PRKCE: variants seen among roughly 807,000 people sequenced by gnomAD.
PRKCE encodes the protein protein kinase C epsilon type.
A neutral mutation model predicts 85.4 loss-of-function variants in PRKCE; 16 were observed. That is an observed-to-expected ratio of 0.19 (90% CI 0.13 to 0.28). The LOEUF (loss-of-function observed/expected upper bound fraction) is 0.28, where lower values mean the gene tolerates loss of function less well. Among genes scored for constraint, PRKCE ranks in the 10% least tolerant of loss-of-function variants. PRKCE has a pLI of 1.00. For missense variants in PRKCE, 573 were observed against 975.2 expected, an observed-to-expected ratio of 0.59 and a Z score of 5.49; for synonymous variants, 388 against 371.5, an observed-to-expected ratio of 1.04 and a Z score of -0.51.
In PRKCE at chr2:46,005,745, G is replaced by A. The variant is rs181205445; in HGVS notation, c.1063+1107G>A. On this transcript the variant is annotated intron_variant, in intron 8 of 14. Transcript: ENST00000306156. ...CCAGCCCTGAGGCCACAGAATAATT[G>A]GTCTCAGTCCCTCTTCGTGCTACTC... Among the ~76,000 whole-genome samples the A allele has an allele frequency of 2.0e-5, 3 of 152,210 alleles. 1 individual carries two copies. Among genetic ancestry groups the A allele is most frequent in the African/African-American group, 4.8e-5 (2 of 41,542 alleles).
intron 10 of PRKCE, among the ~76,000 whole-genome samples, chr2:46,051,602 TTGTTCA>T (rs1489217263): frequency 6.6e-6 from 1 of 152,200 alleles, no homozygotes; most frequent in East Asian, 1.9e-4. Flanking sequence ...TGCATCTCAG[TTGTTCA>T]TGGGCCATTT....
intron 2 of PRKCE, among the ~76,000 whole-genome samples, chr2:45,928,431 C>G (rs1698792752): frequency 6.6e-6 from 1 of 152,134 alleles, no homozygotes; most frequent in Non-Finnish European, 1.5e-5. Flanking sequence ...CCATGCCCAG[C>G]TAATTTTTTG....
chr2:45,802,605 C>T (rs1687953139), intron 1 of PRKCE, among the ~76,000 whole-genome samples: 1 of 152,130 alleles, frequency 6.6e-6, no homozygotes, highest in South Asian at 2.1e-4. Context: ...TATTAAAGTA[C>T]ACTATTAAAA....
At chr2:45,762,367 C>T (rs937042932) in intron 1 of PRKCE, among the ~76,000 whole-genome samples, 17 of 152,128 alleles carry the variant, frequency 1.1e-4, no homozygotes, top group African/African-American at 4.1e-4. Context: ...AAATTCCTGC[C>T]TTTTTCCCTG....
intron 2 of PRKCE, among the ~76,000 whole-genome samples, chr2:45,892,975 G>T (rs1334152277): frequency 6.6e-6 from 1 of 152,184 alleles, no homozygotes; most frequent in Non-Finnish European, 1.5e-5. Flanking sequence ...GTGAAAGTCA[G>T]CCTGGGCCTC....
At chr2:45,849,269 T>A (rs765897071) in intron 2 of PRKCE, among the ~76,000 whole-genome samples, 21 of 152,266 alleles carry the variant, frequency 1.4e-4, no homozygotes, top group Admixed American at 1.3e-4. Flanking sequence ...TGGTCAAGTC[T>A]GGGACACTGG....
chr2:45,746,075 T>A (rs1369588181), intron 1 of PRKCE, among the ~76,000 whole-genome samples: 1 of 152,242 alleles, frequency 6.6e-6, no homozygotes, highest in African/African-American at 2.4e-5. Context: ...ATCCTAAGTA[T>A]CTGTCTCTGC....
At chr2:45,736,647 G>A (rs74457286) in intron 1 of PRKCE, among the ~76,000 whole-genome samples, 1,684 of 152,274 alleles carry the variant, frequency 0.011, 32 homozygotes, top group African/African-American at 0.039. Flanking sequence ...GTTGTGGTTC[G>A]CAGTGGGGCT....
chr2:45,673,978 C>T (rs1293252375), intron 1 of PRKCE, among the ~76,000 whole-genome samples: 1 of 151,702 alleles, frequency 6.6e-6, no homozygotes, highest in Non-Finnish European at 1.5e-5. Flanking sequence ...ACTCTTGCTC[C>T]TTCTGTTCAC....
chr2:46,125,276 G>T (rs144941860), intron 11 of PRKCE, among the ~76,000 whole-genome samples: 1 of 152,160 alleles, frequency 6.6e-6, no homozygotes, highest in South Asian at 2.1e-4. Flanking sequence ...GAAAATAGGC[G>T]TCATCCCCGG....
intron 11 of PRKCE, among the ~76,000 whole-genome samples, chr2:46,126,120 A>T (rs912858217): frequency 6.6e-6 from 1 of 152,164 alleles, no homozygotes; most frequent in Non-Finnish European, 1.5e-5. Context: ...AAAAGTACTT[A>T]TTGGATGTTT....
At chr2:45,764,542 G>T (rs922207867) in intron 1 of PRKCE, among the ~76,000 whole-genome samples, 2 of 152,208 alleles carry the variant, frequency 1.3e-5, no homozygotes, top group African/African-American at 4.8e-5. Context: ...TGTGTGCAGT[G>T]GGACAGGCAT....
intron 10 of PRKCE, among the ~76,000 whole-genome samples, chr2:46,012,018 C>G (rs1705722459): frequency 1.3e-5 from 2 of 152,188 alleles, no homozygotes; most frequent in Admixed American, 6.5e-5. Flanking sequence ...ATTACTAACT[C>G]TTCTCATTTT....
At chr2:45,915,828 T>A (rs908420625) in intron 2 of PRKCE, among the ~76,000 whole-genome samples, 1 of 152,132 alleles carries the variant, frequency 6.6e-6, no homozygotes, top group Non-Finnish European at 1.5e-5. Flanking sequence ...AGTTCTTAGT[T>A]CCCAAGCATC....
At chr2:46,061,926 G>A (rs1667180620) in intron 10 of PRKCE, among the ~76,000 whole-genome samples, 2 of 138,864 alleles carry the variant, frequency 1.4e-5, no homozygotes, top group Non-Finnish European at 3.0e-5. Flanking sequence ...GCACAATCTC[G>A]GCTCACTACA....
At chr2:46,008,097 A>G (rs1705359728) in intron 9 of PRKCE, among the ~76,000 whole-genome samples, 1 of 152,224 alleles carries the variant, frequency 6.6e-6, no homozygotes, top group South Asian at 2.1e-4. Flanking sequence ...TAGGGTTTAA[A>G]GCAAATTTAG....
intron 2 of PRKCE, among the ~76,000 whole-genome samples, chr2:45,872,425 G>A (rs1175582201): frequency 6.6e-6 from 1 of 152,184 alleles, no homozygotes; most frequent in Non-Finnish European, 1.5e-5. Flanking sequence ...CCTTGGCTCT[G>A]AATTAAAGCT....
intron 2 of PRKCE, among the ~76,000 whole-genome samples, chr2:45,874,738 A>G (rs910582662): frequency 1.3e-5 from 2 of 152,164 alleles, no homozygotes; most frequent in African/African-American, 4.8e-5. Flanking sequence ...GTCCAACAAG[A>G]TGCAGCCCAC....
chr2:46,039,123 G>A (rs976831034), intron 10 of PRKCE, among the ~76,000 whole-genome samples: 4 of 152,066 alleles, frequency 2.6e-5, no homozygotes, highest in Non-Finnish European at 2.9e-5. Flanking sequence ...TCTGTGTTTC[G>A]GATTCTTGAT....
Sources: gnomAD v4.1 joint callset for allele counts (sites outside exome capture counted in the v4.1 genomes callset) on GRCh38, gnomAD v4.1.1 for gene constraint, MANE v1.5 for transcripts, NCBI Gene and HGNC (gene_info 2026-07-23, HGNC 2026-07-21) for gene names.